GRM8: variants seen among roughly 807,000 people sequenced by gnomAD.
GRM8 encodes the protein glutamate metabotropic receptor 8, also known as metabotropic glutamate receptor 8.
Under a neutral mutation model 87.2 loss-of-function variants are expected in GRM8, and 47 were observed. That is an observed-to-expected ratio of 0.54 (90% CI 0.43 to 0.69). The LOEUF (loss-of-function observed/expected upper bound fraction) is 0.69, where lower values mean the gene tolerates loss of function less well. GRM8 is among the 30% of genes least tolerant of loss of function. The pLI, the probability that GRM8 is intolerant of heterozygous loss-of-function variation, is 0.00. For synonymous variants in GRM8, 396 were observed against 404.5 expected, an observed-to-expected ratio of 0.98 and a Z score of 0.25; for missense variants, 1,019 against 1,139.2, an observed-to-expected ratio of 0.89 and a Z score of 1.52.
intron 7 of GRM8, among the ~76,000 whole-genome samples, chr7:126,635,006 G>C (rs1374909217): frequency 1.3e-5 from 2 of 152,102 alleles, no homozygotes; most frequent in Non-Finnish European, 2.9e-5. Flanking sequence ...CACCATCCCT[G>C]TGCGTGTTCC....
chr7:126,696,941 T>C (rs2151384810), intron 7 of GRM8, among the ~76,000 whole-genome samples: 1 of 152,158 alleles, frequency 6.6e-6, no homozygotes, highest in Admixed American at 6.5e-5. Flanking sequence ...TGCAGCACTA[T>C]TCACAATAGC....
chr7:126,568,096 A>G (rs997424609), intron 8 of GRM8, among the ~76,000 whole-genome samples: 1 of 152,180 alleles, frequency 6.6e-6, no homozygotes, highest in African/African-American at 2.4e-5. Context: ...TTATAAAAAG[A>G]AAAGACATTT....
intron 7 of GRM8, among the ~76,000 whole-genome samples, chr7:126,708,844 A>T (rs984021911): frequency 6.6e-6 from 1 of 151,990 alleles, no homozygotes; most frequent in African/African-American, 2.4e-5. Flanking sequence ...AGTTGGGGAG[A>T]TGTTGGTGAG....
intron 9 of GRM8, among the ~76,000 whole-genome samples, chr7:126,477,113 A>G (rs1471030508): frequency 6.6e-6 from 1 of 152,190 alleles, no homozygotes; most frequent in African/African-American, 2.4e-5. Context: ...CTTGGAGAAC[A>G]TTACGCTAAG....
chr7:127,073,727 G>C (rs1821961750), intron 3 of GRM8, among the ~76,000 whole-genome samples: 3 of 152,104 alleles, frequency 2.0e-5, no homozygotes, highest in Admixed American at 2.0e-4. Flanking sequence ...TCATGAGGTG[G>C]GAGCAAGCCA....
chr7:127,026,820 C>G (rs1365340135), intron 3 of GRM8, among the ~76,000 whole-genome samples: 6 of 152,102 alleles, frequency 3.9e-5, no homozygotes, highest in African/African-American at 1.2e-4. Context: ...GTTGCTTCTG[C>G]TGTGCAGAAG....
At chr7:126,701,055 A>G (rs189922473) in intron 7 of GRM8, among the ~76,000 whole-genome samples, 12 of 151,256 alleles carry the variant, frequency 7.9e-5, no homozygotes, top group South Asian at 6.3e-4. Flanking sequence ...ATATGTGTGT[A>G]TATATATATA....
In GRM8 at chr7:126,876,635, G is replaced by A. The variant is rs1399741769; in HGVS notation, c.1156+25907C>T. Among the ~76,000 whole-genome samples the A allele has an allele frequency of 3.3e-5, 5 of 152,244 alleles. No homozygotes were observed. The East Asian group carries it at 5.8e-4, about 18-fold the overall frequency. Reference sequence around the variant, plus strand: ...CAAAACAGTTTTTCGTCATATAAGGGCATGAGGCTAATCTATCCTTAGCTC... The same window carrying A: ...CAAAACAGTTTTTCGTCATATAAGGACATGAGGCTAATCTATCCTTAGCTC... On this transcript the variant is annotated intron_variant, in intron 6 of 10. Transcript: ENST00000339582.
chr7:126,774,457 C>T (rs1051996208), intron 6 of GRM8, among the ~76,000 whole-genome samples: 1 of 152,106 alleles, frequency 6.6e-6, no homozygotes, highest in African/African-American at 2.4e-5. Flanking sequence ...TAAATATCAC[C>T]GATTGTAAAG....
At chr7:127,169,266 T>A (rs1322990846) in intron 2 of GRM8, among the ~76,000 whole-genome samples, 1 of 152,154 alleles carries the variant, frequency 6.6e-6, no homozygotes, top group Non-Finnish European at 1.5e-5. Context: ...TTATTGCTGA[T>A]ATGGAGAAGG....
intron 8 of GRM8, among the ~76,000 whole-genome samples, chr7:126,571,417 C>T (rs10954120): frequency 0.31 from 46,936 of 151,958 alleles, 8,128 homozygotes; most frequent in East Asian, 0.44. Context: ...AGTCTAACTA[C>T]AGAGCCATTG....
intron 3 of GRM8, among the ~76,000 whole-genome samples, chr7:127,007,009 G>A (rs1178356296): frequency 2.0e-5 from 3 of 151,882 alleles, no homozygotes; most frequent in Non-Finnish European, 4.4e-5. Context: ...TCTGTCAACT[G>A]AAGTCGAGTA....
intron 7 of GRM8, among the ~76,000 whole-genome samples, chr7:126,645,232 C>T (rs1488728239): frequency 6.6e-6 from 1 of 152,214 alleles, no homozygotes; most frequent in Non-Finnish European, 1.5e-5. Context: ...TCTCTTACTG[C>T]TCTGGAGTCA....
chr7:126,965,030 C>A (rs1249089117), intron 3 of GRM8, among the ~76,000 whole-genome samples: 1 of 152,012 alleles, frequency 6.6e-6, no homozygotes, highest in Non-Finnish European at 1.5e-5. Flanking sequence ...AAGCTGGAAA[C>A]CATCATTCTC....
intron 6 of GRM8, among the ~76,000 whole-genome samples, chr7:126,820,591 A>T (rs1289754759): frequency 6.6e-6 from 1 of 152,230 alleles, no homozygotes; most frequent in Non-Finnish European, 1.5e-5. Flanking sequence ...ATCACATAAT[A>T]GAAAACCATA....
intron 7 of GRM8, among the ~76,000 whole-genome samples, chr7:126,676,796 T>C (rs1807002298): frequency 6.6e-6 from 1 of 152,188 alleles, no homozygotes; most frequent in South Asian, 2.1e-4. Context: ...AGAAAAACTC[T>C]TCTGGACATT....
At chr7:127,180,014 C>G (rs1171627987) in intron 2 of GRM8, among the ~76,000 whole-genome samples, 1 of 151,664 alleles carries the variant, frequency 6.6e-6, no homozygotes, top group Non-Finnish European at 1.5e-5. Flanking sequence ...CAGAGCAGAA[C>G]TAAATGAAAT....
intron 6 of GRM8, among the ~76,000 whole-genome samples, chr7:126,890,015 C>T (rs1800848864): frequency 1.3e-5 from 2 of 151,964 alleles, no homozygotes; most frequent in Admixed American, 1.3e-4. Flanking sequence ...AGTCATTAGC[C>T]ACATTTAAAT....
intron 8 of GRM8, among the ~76,000 whole-genome samples, chr7:126,596,481 C>T (rs556544146): frequency 6.6e-6 from 1 of 152,166 alleles, no homozygotes; most frequent in South Asian, 2.1e-4. Context: ...TTTTCATGTC[C>T]TTTGCCCACT....
Sources: allele counts gnomAD v4.1 joint callset (sites outside exome capture counted in the v4.1 genomes callset), GRCh38; gene constraint gnomAD v4.1.1; transcripts MANE v1.5; gene names NCBI Gene and HGNC (gene_info 2026-07-23, HGNC 2026-07-21).